Variants in CREB5 observed in about 807,000 individuals in gnomAD.
CREB5 encodes the protein cAMP responsive element binding protein 5, also known as cyclic AMP-responsive element-binding protein 5.
A neutral mutation model predicts 57.1 loss-of-function variants in CREB5; 19 were observed. That is an observed-to-expected ratio of 0.33 (90% CI 0.23 to 0.49). The LOEUF (loss-of-function observed/expected upper bound fraction) is 0.49. Ranked by LOEUF, CREB5 falls within the 20% of genes least tolerant of loss-of-function variation. The pLI, the probability that CREB5 is intolerant of heterozygous loss-of-function variation, is 0.99. For missense variants in CREB5, 579 were observed against 671.6 expected (o/e 0.86, Z 1.52); for synonymous variants, 238 against 238.3 (o/e 1.00, Z 0.01).
chr7:28,346,463 T>C (rs2127989713), intron 1 of CREB5, among the ~76,000 whole-genome samples: 2 of 152,304 alleles, frequency 1.3e-5, no homozygotes, highest in East Asian at 3.9e-4. Flanking sequence ...TTCCCAAAGG[T>C]CCTGCCTCCT....
At chr7:28,612,363 A>G (rs1797425086) in intron 5 of CREB5, among the ~76,000 whole-genome samples, 2 of 152,132 alleles carry the variant, frequency 1.3e-5, no homozygotes, top group Non-Finnish European at 2.9e-5. Flanking sequence ...ATTTCCCAGA[A>G]TGATAGTGGT....
At chr7:28,711,848 T>C (rs1232048315) in intron 5 of CREB5, among the ~76,000 whole-genome samples, 1 of 152,212 alleles carries the variant, frequency 6.6e-6, no homozygotes, top group Non-Finnish European at 1.5e-5. Flanking sequence ...TCTTTAAAGC[T>C]AAAGATTGGT....
At chr7:28,686,041 GCCAGCAC>G (rs1451929727) in intron 5 of CREB5, 1 of 1,290,158 alleles carries the variant, frequency 7.8e-7, no homozygotes, top group East Asian at 2.4e-5. Flanking sequence ...CAAAAGAAGG[GCCAGCAC>G]ATTACATCAT....
chr7:28,552,834 C>T (rs373689857), intron 4 of CREB5, among the ~76,000 whole-genome samples: 5 of 152,294 alleles, frequency 3.3e-5, no homozygotes, highest in Non-Finnish European at 5.9e-5. Context: ...CGATGAAGTA[C>T]GAGGTAGGCA....
chr7:28,624,215 G>C (rs1562533613), intron 5 of CREB5, among the ~76,000 whole-genome samples: 1 of 152,176 alleles, frequency 6.6e-6, no homozygotes, highest in Non-Finnish European at 1.5e-5. Flanking sequence ...CGTCTAATTT[G>C]CGTGAATTCT....
At chr7:28,741,585 C>A (rs1017663692) in intron 7 of CREB5, among the ~76,000 whole-genome samples, 1 of 152,142 alleles carries the variant, frequency 6.6e-6, no homozygotes, top group Admixed American at 6.5e-5. Flanking sequence ...CAATTAAGTA[C>A]GTTTTGAACT....
intron 5 of CREB5, among the ~76,000 whole-genome samples, chr7:28,617,544 G>A (rs539404755): frequency 2.6e-5 from 4 of 152,342 alleles, no homozygotes; most frequent in African/African-American, 7.2e-5. Context: ...ACACTGGTTT[G>A]TGATGGAGGA....
intron 7 of CREB5, among the ~76,000 whole-genome samples, chr7:28,733,182 A>G (rs564676638): frequency 2.2e-3 from 338 of 152,326 alleles, no homozygotes; most frequent in African/African-American, 7.6e-3. Flanking sequence ...GAGCCGAGTC[A>G]GTAACCTTGA....
intron 5 of CREB5, among the ~76,000 whole-genome samples, chr7:28,586,887 C>T (rs1487772292): frequency 6.6e-6 from 1 of 152,210 alleles, no homozygotes; most frequent in East Asian, 1.9e-4. Flanking sequence ...ACTTTTCCCA[C>T]CTGGCAAATG....
At chr7:28,584,327 G>A (rs937380138) in intron 5 of CREB5, among the ~76,000 whole-genome samples, 5 of 152,180 alleles carry the variant, frequency 3.3e-5, no homozygotes, top group Non-Finnish European at 7.3e-5. Flanking sequence ...CCTGGCCCCT[G>A]CGGATGGGAC....
At chr7:28,537,835 A>G (rs1279232474) in intron 4 of CREB5, among the ~76,000 whole-genome samples, 2 of 152,164 alleles carry the variant, frequency 1.3e-5, no homozygotes, top group East Asian at 3.8e-4. Flanking sequence ...TATTTAGCAG[A>G]TTTGAATACC....
intron 7 of CREB5, among the ~76,000 whole-genome samples, chr7:28,771,038 C>T (rs555903736): frequency 8.5e-5 from 13 of 152,274 alleles, no homozygotes; most frequent in Admixed American, 3.3e-4. Context: ...CTGAAAATCA[C>T]AAAATTTTGT....
intron 1 of CREB5, among the ~76,000 whole-genome samples, chr7:28,441,878 A>G (rs1349993973): frequency 6.6e-6 from 1 of 152,240 alleles, no homozygotes; most frequent in Non-Finnish European, 1.5e-5. Context: ...TTTGTATCAC[A>G]TGTATACAAC....
At chr7:28,781,548 C>G (rs908425279) in intron 7 of CREB5, among the ~76,000 whole-genome samples, 1 of 152,152 alleles carries the variant, frequency 6.6e-6, no homozygotes. Context: ...CAAACAATGT[C>G]CAGGGATGAA....
chr7:28,737,540 TATATATATATATATA>T (rs1804066480), intron 7 of CREB5, among the ~76,000 whole-genome samples: 1 of 4,402 alleles, frequency 2.3e-4, no homozygotes, highest in Non-Finnish European at 4.5e-4. Context: ...TATATATACG[TATATATATATATATA>T]TATATATATA....
chr7:28,790,730 TG>T (rs1807652912), intron 7 of CREB5, among the ~76,000 whole-genome samples: 1 of 152,230 alleles, frequency 6.6e-6, no homozygotes, highest in Admixed American at 6.5e-5. Context: ...AGTCACTAAA[TG>T]CAGAAGGCCC....
chr7:28,420,144 A>G (rs1285121204), intron 1 of CREB5, among the ~76,000 whole-genome samples: 1 of 151,904 alleles, frequency 6.6e-6, no homozygotes, highest in Non-Finnish European at 1.5e-5. Context: ...TACAAAAATC[A>G]GGGAGAAAAA....
rs140894678 is a variant in CREB5, at chr7:28,317,406, T to C, written c.-25+17965T>C. 3.3e-3 allele frequency among the ~76,000 whole-genome samples: 510 copies of C among 152,330 alleles called. 1 individual carries two copies. Among genetic ancestry groups the C allele is most frequent in the African/African-American group, 0.012 (495 of 41,586 alleles). ...CTGGGGTATCCCATAAACTTCAAAG[T>C]TCAAAACACACTTTGAGTGGGCAGG... On this transcript the variant is annotated intron_variant, in intron 1 of 9. Coordinates refer to the CREB5 transcript ENST00000396299.
intron 5 of CREB5, among the ~76,000 whole-genome samples, chr7:28,707,073 C>A (rs1001401708): frequency 6.6e-6 from 1 of 151,986 alleles, no homozygotes; most frequent in Admixed American, 6.5e-5. Context: ...GAGAGAAAGC[C>A]GGCTTCCCTG....
Sources: gnomAD v4.1 joint callset for allele counts (sites outside exome capture counted in the v4.1 genomes callset) on GRCh38, gnomAD v4.1.1 for gene constraint, MANE v1.5 for transcripts, NCBI Gene and HGNC (gene_info 2026-07-23, HGNC 2026-07-21) for gene names.